Variants in PRKG1 observed in about 807,000 individuals in gnomAD.
PRKG1 encodes the protein protein kinase cGMP-dependent 1.
Under a neutral mutation model 88.1 loss-of-function variants are expected in PRKG1, and 35 were observed. That is an observed-to-expected ratio of 0.40 (90% CI 0.30 to 0.53). PRKG1 has a LOEUF of 0.53. Ranked by LOEUF, PRKG1 falls within the 20% of genes least tolerant of loss-of-function variation. The probability of loss-of-function intolerance (pLI) is 0.59; values close to 1 mark genes in which losing one functional copy is unlikely to be tolerated. For synonymous variants in PRKG1, 303 were observed against 292.5 expected, an observed-to-expected ratio of 1.04 and a Z score of -0.37; for missense variants, 540 against 839.8, an observed-to-expected ratio of 0.64 and a Z score of 4.41.
chr10:51,196,830 G>T (rs1837780429), intron 2 of PRKG1, among the ~76,000 whole-genome samples: 1 of 152,142 alleles, frequency 6.6e-6, no homozygotes, highest in Admixed American at 6.5e-5. Context: ...AGATGAAATT[G>T]TGCAGAAGCA....
chr10:51,869,397 T>A (rs1035626500), intron 4 of PRKG1, among the ~76,000 whole-genome samples: 1 of 151,968 alleles, frequency 6.6e-6, no homozygotes, highest in African/African-American at 2.4e-5. Flanking sequence ...GTTTTTTTTT[T>A]AATAAAGTAT....
chr10:51,433,209 C>G (rs1294215559), intron 2 of PRKG1, among the ~76,000 whole-genome samples: 2 of 151,968 alleles, frequency 1.3e-5, no homozygotes, highest in African/African-American at 4.8e-5. Context: ...AATCTGAGAA[C>G]AGGGTAAAAT....
At chr10:51,034,510 T>C (rs1843325852) in intron 1 of PRKG1, among the ~76,000 whole-genome samples, 1 of 151,528 alleles carries the variant, frequency 6.6e-6, no homozygotes. Flanking sequence ...TTGTCCAAAA[T>C]TCATAAAATT....
intron 5 of PRKG1, among the ~76,000 whole-genome samples, chr10:51,999,372 A>C (rs938707830): frequency 4.6e-5 from 7 of 152,220 alleles, no homozygotes; most frequent in African/African-American, 1.7e-4. Context: ...ATGGGCTTTT[A>C]GGGGATGAAC....
intron 2 of PRKG1, among the ~76,000 whole-genome samples, chr10:51,181,094 A>C (rs1239799448): frequency 6.6e-6 from 1 of 152,096 alleles, no homozygotes; most frequent in East Asian, 1.9e-4. Flanking sequence ...AACCGCACTG[A>C]GGAGAAGAAA....
chr10:51,353,387 CA>C (rs1173767556), intron 2 of PRKG1, among the ~76,000 whole-genome samples: 1 of 152,036 alleles, frequency 6.6e-6, no homozygotes, highest in Non-Finnish European at 1.5e-5. Context: ...AAAATATTTT[CA>C]AACTCTCCGT....
chr10:51,424,119 T>C (rs182661426), intron 2 of PRKG1, among the ~76,000 whole-genome samples: 182 of 152,216 alleles, frequency 1.2e-3, no homozygotes, highest in African/African-American at 4.2e-3. Context: ...ATACCTAAGA[T>C]AAAACATACT....
intron 4 of PRKG1, among the ~76,000 whole-genome samples, chr10:51,842,108 G>A (rs1412637466): frequency 1.3e-5 from 2 of 152,200 alleles, no homozygotes; most frequent in African/African-American, 4.8e-5. Context: ...TTCCCTCGCT[G>A]GCTAAGTGGG....
At chr10:52,279,586 C>T (rs1841953763) in intron 12 of PRKG1, among the ~76,000 whole-genome samples, 1 of 152,006 alleles carries the variant, frequency 6.6e-6, no homozygotes, top group African/African-American at 2.4e-5. Flanking sequence ...CCTTGATTCA[C>T]TTATGAATTT....
intron 3 of PRKG1, among the ~76,000 whole-genome samples, chr10:51,596,342 CCTT>C (rs1011017554): frequency 1.3e-5 from 2 of 152,108 alleles, no homozygotes; most frequent in Non-Finnish European, 2.9e-5. Flanking sequence ...TATGGTATCA[CCTT>C]CTTCTCAATA....
chr10:51,902,857 A>C (rs1350225515), intron 4 of PRKG1, among the ~76,000 whole-genome samples: 2 of 152,322 alleles, frequency 1.3e-5, no homozygotes, highest in South Asian at 2.1e-4. Flanking sequence ...TAATAAGTGA[A>C]AAAGGCAAAC....
chr10:51,052,850 G>C (rs1257511734), intron 1 of PRKG1, among the ~76,000 whole-genome samples: 1 of 152,128 alleles, frequency 6.6e-6, no homozygotes, highest in Non-Finnish European at 1.5e-5. Context: ...TCTATATAAA[G>C]GGTCTTATAA....
At chr10:51,807,731 T>A (rs1213877356) in intron 4 of PRKG1, among the ~76,000 whole-genome samples, 1 of 152,178 alleles carries the variant, frequency 6.6e-6, no homozygotes, top group African/African-American at 2.4e-5. Flanking sequence ...GAATCTTAAT[T>A]TCTGCATGAC....
At chr10:51,107,234 G>A (rs1844859394) in intron 1 of PRKG1, among the ~76,000 whole-genome samples, 1 of 152,138 alleles carries the variant, frequency 6.6e-6, no homozygotes, top group South Asian at 2.1e-4. Context: ...GGAATGCGGT[G>A]GGACACAAGG....
intron 17 of PRKG1, among the ~76,000 whole-genome samples, chr10:52,291,555 C>T (rs925650170): frequency 5.3e-5 from 8 of 151,980 alleles, no homozygotes; most frequent in African/African-American, 1.7e-4. Context: ...TTTCCAATTT[C>T]ATCCACGTCC....
chr10:52,097,154 G>A (rs1415142825), intron 7 of PRKG1, among the ~76,000 whole-genome samples: 1 of 152,120 alleles, frequency 6.6e-6, no homozygotes, highest in African/African-American at 2.4e-5. Context: ...TAGCTTATAT[G>A]ACATAGATCC....
chr10:51,206,392 C>T (rs1838060648), intron 2 of PRKG1, among the ~76,000 whole-genome samples: 1 of 151,290 alleles, frequency 6.6e-6, no homozygotes, highest in Admixed American at 6.6e-5. Context: ...ACTTGGGAGG[C>T]TGAGGCATAG....
At chr10:52,017,371 T>A (rs1015861049) in intron 5 of PRKG1, among the ~76,000 whole-genome samples, 1 of 152,072 alleles carries the variant, frequency 6.6e-6, no homozygotes, top group Non-Finnish European at 1.5e-5. Context: ...CTTGAACAGG[T>A]GCATTATGAT....
chr10:51,486,613 A>G (rs992434431), intron 3 of PRKG1, among the ~76,000 whole-genome samples: 1 of 152,158 alleles, frequency 6.6e-6, no homozygotes, highest in Non-Finnish European at 1.5e-5. Flanking sequence ...CTCAAAATCA[A>G]AATAGCTTTT....
Sources: gnomAD v4.1 joint callset for allele counts (sites outside exome capture counted in the v4.1 genomes callset) on GRCh38, gnomAD v4.1.1 for gene constraint, MANE v1.5 for transcripts, NCBI Gene and HGNC (gene_info 2026-07-23, HGNC 2026-07-21) for gene names.